The following CRPPA variants were observed in gnomAD, a reference collection of about 807,000 sequenced individuals.
The protein encoded by CRPPA is CDP-L-ribitol pyrophosphorylase A.
In CRPPA, 43 loss-of-function variants were observed where a neutral mutation model predicts 52.0. The ratio of observed to expected loss-of-function variants is 0.83; its 90% CI spans 0.65 to 1.07. CRPPA has a LOEUF of 1.07. CRPPA is among the 50% of genes least tolerant of loss of function. CRPPA has a pLI of 0.00. For synonymous variants in CRPPA, 250 were observed against 203.5 expected (o/e 1.23, Z -1.94); for missense variants, 629 against 551.7 (o/e 1.14, Z -1.40).
intron 9 of CRPPA, among the ~76,000 whole-genome samples, chr7:16,151,014 A>G (rs1783066869): frequency 1.3e-5 from 2 of 152,240 alleles, no homozygotes; most frequent in African/African-American, 4.8e-5. Flanking sequence ...AGTTCCCAAC[A>G]TAGGTTTTTT....
At chr7:16,261,836 T>C (rs1162410477) in intron 6 of CRPPA, 2 of 152,134 alleles carry the variant, frequency 1.3e-5, no homozygotes, top group African/African-American at 2.4e-5. Context: ...TACCCCGCCA[T>C]TGCCCTTCCA....
At chr7:16,229,618 C>A (rs1404239378) in intron 8 of CRPPA, among the ~76,000 whole-genome samples, 1 of 152,064 alleles carries the variant, frequency 6.6e-6, no homozygotes, top group Non-Finnish European at 1.5e-5. Context: ...AAATTTGTTA[C>A]TATTTTTAAT....
At chr7:16,180,508 G>A (rs993523434) in intron 9 of CRPPA, among the ~76,000 whole-genome samples, 2 of 151,914 alleles carry the variant, frequency 1.3e-5, no homozygotes, top group African/African-American at 4.8e-5. Context: ...TAGTTTCATC[G>A]ATCTAGGCAT....
At chr7:16,335,299 G>A (rs1033779420) in intron 3 of CRPPA, among the ~76,000 whole-genome samples, 1 of 152,068 alleles carries the variant, frequency 6.6e-6, no homozygotes, top group African/African-American at 2.4e-5. Context: ...GCTGCAATGA[G>A]CTGTATTTGT....
At chr7:16,103,353 A>G (rs1782087561) in intron 9 of CRPPA, among the ~76,000 whole-genome samples, 3 of 152,162 alleles carry the variant, frequency 2.0e-5, no homozygotes, top group Admixed American at 2.0e-4. Context: ...TACCTAATAT[A>G]GATGACGGGT....
At chr7:16,317,321 G>A (rs1785164215) in intron 3 of CRPPA, among the ~76,000 whole-genome samples, 2 of 152,210 alleles carry the variant, frequency 1.3e-5, no homozygotes, top group African/African-American at 4.8e-5. Context: ...ACCTGGTATA[G>A]TGTCTAGCTT....
At chr7:16,406,030 C>A in intron 2 of CRPPA, 31 bp downstream of exon 2, 1 of 1,598,616 alleles carries the variant, frequency 6.3e-7, no homozygotes, top group Non-Finnish European at 8.6e-7. Flanking sequence ...GTGCTTGTCC[C>A]TTCTATCTAG....
rs184899598 is a variant in CRPPA at position 16,296,850 on chromosome 7, C to G, written c.835+4571G>C. 9.7e-4 allele frequency among the ~76,000 whole-genome samples: 147 copies of G among 152,298 alleles called. 2 individuals carry two copies. In the East Asian group the frequency reaches 0.018, roughly 18 times the overall value. ...ACACCTGTGATGCCAGTAACAAACA[C>G]TTTCTAGAAGACTGTACTATGTGCT... On this transcript the variant is annotated intron_variant, in intron 5 of 9. Transcript: ENST00000407010.
intron 9 of CRPPA, among the ~76,000 whole-genome samples, chr7:16,104,395 C>G (rs921562140): frequency 6.6e-6 from 1 of 152,182 alleles, no homozygotes; most frequent in South Asian, 2.1e-4. Context: ...TGAAGTCATT[C>G]TCCAGGTGGA....
chr7:16,173,781 T>G (rs999830748), intron 9 of CRPPA, among the ~76,000 whole-genome samples: 1 of 152,060 alleles, frequency 6.6e-6, no homozygotes, highest in African/African-American at 2.4e-5. Context: ...GAGAATAGAT[T>G]GAGATATACC....
chr7:16,417,601 T>C (rs2128320501), intron 1 of CRPPA, among the ~76,000 whole-genome samples: 1 of 152,170 alleles, frequency 6.6e-6, no homozygotes, highest in African/African-American at 2.4e-5. Context: ...CTCATGGACA[T>C]AAAGATGTCA....
Position 16,113,609 on chromosome 7 carries a change from A to C in CRPPA, c.1252-21810T>G, listed in dbSNP as rs73291851. Among the ~76,000 whole-genome samples, 428 of 152,220 alleles carry C rather than the reference A, an allele frequency of 2.8e-3. 2 individuals are homozygous for C. The highest frequency in any genetic ancestry group is 0.01 in the African/African-American group (417 of 41,560). On this transcript the variant is annotated intron_variant, in intron 9 of 9. Transcript: ENST00000407010. ...CAATTAGCCTGGCAGCGTCTCTCCC[A>C]AAAATAATGGTAGCAAGAACACAAG...
At position 16,408,243 on chromosome 7, in the gene CRPPA, C is replaced by T. The variant is rs1001387778; in HGVS notation, c.258-1906G>A. Among the ~76,000 whole-genome samples, 7 of 152,118 alleles carry T rather than the reference C, an allele frequency of 4.6e-5. No homozygotes were observed. The East Asian group carries it at 1.2e-3, about 25-fold the overall frequency. On this transcript the variant is annotated intron_variant, in intron 1 of 9. Transcript: ENST00000407010. ...TGATTAAACACAATGAAGAAGTCCA[C>T]GTTCAAGACAGCATGTAGGCTGAGT...
intron 2 of CRPPA, among the ~76,000 whole-genome samples, chr7:16,382,236 C>G: frequency 6.6e-6 from 1 of 152,120 alleles, no homozygotes; most frequent in Non-Finnish European, 1.5e-5. Context: ...TATTTTATTT[C>G]TCCTTCACTT....
At chr7:16,390,730 G>A (rs1026845987) in intron 2 of CRPPA, among the ~76,000 whole-genome samples, 3 of 152,116 alleles carry the variant, frequency 2.0e-5, no homozygotes, top group Non-Finnish European at 4.4e-5. Context: ...TGAATCACAC[G>A]GCCCTCCAAA....
chr7:16,304,458 T>C (rs900081895), intron 4 of CRPPA, among the ~76,000 whole-genome samples: 6 of 151,952 alleles, frequency 3.9e-5, no homozygotes, highest in African/African-American at 1.4e-4. Flanking sequence ...CTGGCCAACA[T>C]AGTGACACCC....
intron 5 of CRPPA, among the ~76,000 whole-genome samples, chr7:16,295,249 T>C (rs1478363364): frequency 6.6e-6 from 1 of 152,076 alleles, no homozygotes; most frequent in African/African-American, 2.4e-5. Flanking sequence ...GTATCACTTA[T>C]CTGAATAAGA....
chr7:16,256,781 G>A (rs967427945), intron 8 of CRPPA, among the ~76,000 whole-genome samples: 5 of 152,156 alleles, frequency 3.3e-5, no homozygotes, highest in Non-Finnish European at 7.3e-5. Context: ...GGGGCTGGGA[G>A]AGGGATAGCA....
At chr7:16,264,604 G>A (rs1358927936) in intron 6 of CRPPA, among the ~76,000 whole-genome samples, 1 of 152,142 alleles carries the variant, frequency 6.6e-6, no homozygotes, top group Non-Finnish European at 1.5e-5. Flanking sequence ...GTTCAAATAT[G>A]TGTTTCTGAA....
Sources: allele counts gnomAD v4.1 joint callset (sites outside exome capture counted in the v4.1 genomes callset), GRCh38; gene constraint gnomAD v4.1.1; transcripts MANE v1.5; gene names NCBI Gene and HGNC (gene_info 2026-07-23, HGNC 2026-07-21).